The following PTBP2 variants were observed in gnomAD, a reference collection of about 807,000 sequenced individuals.
The protein encoded by PTBP2 is polypyrimidine tract-binding protein 2.
PTBP2 carries 13 observed loss-of-function variants against 61.4 expected under a neutral mutation model. That is an observed-to-expected ratio of 0.21 (90% CI 0.14 to 0.34). The LOEUF (loss-of-function observed/expected upper bound fraction) is 0.34. Among genes scored for constraint, PTBP2 ranks in the 10% least tolerant of loss-of-function variants. The pLI is 1.00. For missense variants in PTBP2, 405 were observed against 642.6 expected, an observed-to-expected ratio of 0.63 and a Z score of 4.00; for synonymous variants, 215 against 218.5, an observed-to-expected ratio of 0.98 and a Z score of 0.14.
intron 1 of PTBP2, among the ~76,000 whole-genome samples, chr1:96,722,843 T>A (rs748278831): frequency 6.6e-6 from 1 of 152,200 alleles, no homozygotes. Flanking sequence ...GTCTCGCTCA[T>A]ATGCTTCACA....
downstream of PTBP2, chr1:96,815,891 A>G (rs957042983): frequency 2.0e-5 from 3 of 152,192 alleles, no homozygotes; most frequent in Non-Finnish European, 2.9e-5. Flanking sequence ...AGATAAGTCT[A>G]AAGTCTAAAA....
At chr1:96,746,891 C>A (rs1234947058) in intron 2 of PTBP2, among the ~76,000 whole-genome samples, 2 of 51,154 alleles carry the variant, frequency 3.9e-5, no homozygotes, top group Non-Finnish European at 7.0e-5. Context: ...CCCTCCCTCC[C>A]TCCCTCCCTC....
At chr1:96,807,707 C>T (rs1661638418) in intron 11 of PTBP2, among the ~76,000 whole-genome samples, 1 of 152,156 alleles carries the variant, frequency 6.6e-6, no homozygotes, top group Non-Finnish European at 1.5e-5. Flanking sequence ...AGATGAACAA[C>T]TTGCTATATT....
At chr1:96,765,708 T>TAGA (rs142433685) in intron 3 of PTBP2, among the ~76,000 whole-genome samples, 66 of 147,392 alleles carry the variant, frequency 4.5e-4, no homozygotes, top group South Asian at 4.0e-3. Flanking sequence ...AGACTCTGTC[T>TAGA]TAGATAGATA....
At chr1:96,792,629 A>C (rs1424820182) in intron 8 of PTBP2, among the ~76,000 whole-genome samples, 1 of 152,158 alleles carries the variant, frequency 6.6e-6, no homozygotes, top group African/African-American at 2.4e-5. Flanking sequence ...TTTTGTTACC[A>C]AGTCCATTAA....
intron 2 of PTBP2, among the ~76,000 whole-genome samples, chr1:96,733,847 C>T (rs982415706): frequency 3.3e-5 from 5 of 152,180 alleles, no homozygotes; most frequent in African/African-American, 9.7e-5. Flanking sequence ...GCCTACTCAG[C>T]GTGAAGACAG....
intron 8 of PTBP2, among the ~76,000 whole-genome samples, chr1:96,799,645 T>C (rs1224862577): frequency 1.3e-5 from 2 of 152,206 alleles, no homozygotes; most frequent in Non-Finnish European, 2.9e-5. Flanking sequence ...TTATAATTTA[T>C]GTAGCTAAAA....
Position 96,721,814 on chromosome 1 carries a change from C to A in PTBP2, c.-51C>A, listed in dbSNP as rs746695158. The A allele has an allele frequency of 7.7e-6, 12 of 1,553,142 alleles. No individual in the cohort carries two copies. The highest frequency in any genetic ancestry group is 2.4e-5 in the East Asian group (1 of 41,200). On this transcript the variant is annotated 5_prime_UTR_variant, in exon 1 of 14. Transcript: ENST00000674951. Reference sequence around the variant, plus strand: ...CCATTTTCTCGCCGCTTGTGTGGCTCGCTGGCTGCGTGGCTCGGTTCTTGT... The same window carrying A: ...CCATTTTCTCGCCGCTTGTGTGGCTAGCTGGCTGCGTGGCTCGGTTCTTGT...
At position 96,802,143 on chromosome 1, in the gene PTBP2, G is replaced by A. The variant is rs1233927069; in HGVS notation, c.905-2657G>A. Among the ~76,000 whole-genome samples, 13 of 146,372 alleles carry A rather than the reference G, an allele frequency of 8.9e-5. No homozygotes were observed. The East Asian group carries it at 1.7e-3, about 19-fold the overall frequency. The stretch of plus-strand genomic sequence containing the variant: ...GGAGAATGGCATGAACCTGGGAGGC[G>A]GAGCTTGCAGTGAGCCGAGATCACG... On this transcript the variant is annotated intron_variant, in intron 8 of 13. Coordinates refer to ENST00000674951, the MANE Select transcript of PTBP2 (RefSeq NM_021190.4).
chr1:96,765,135 G>GT (rs1435907578), intron 3 of PTBP2, among the ~76,000 whole-genome samples: 2 of 151,114 alleles, frequency 1.3e-5, no homozygotes, highest in African/African-American at 2.4e-5. Flanking sequence ...TTTTTATTTT[G>GT]TTTTTTGTTT....
At chr1:96,754,440 G>A (rs545962306) in intron 3 of PTBP2, among the ~76,000 whole-genome samples, 50 of 152,172 alleles carry the variant, frequency 3.3e-4, no homozygotes, top group African/African-American at 9.4e-4. Context: ...CAGTGGTAAG[G>A]TTCTTATATT....
chr1:96,758,916 C>CA (rs1437192182), intron 3 of PTBP2, among the ~76,000 whole-genome samples: 1 of 152,094 alleles, frequency 6.6e-6, no homozygotes, highest in East Asian at 1.9e-4. Flanking sequence ...AAGGACTCTA[C>CA]AACAGATTTG....
At chr1:96,812,949 G>T in intron 12 of PTBP2, 21 bp downstream of exon 12, 1 of 1,593,934 alleles carries the variant, frequency 6.3e-7, no homozygotes, top group Non-Finnish European at 8.6e-7. Context: ...AAGCTAGAGT[G>T]TATTGAGATA....
rs767744175 is a variant in PTBP2 at position 96,813,053 on chromosome 1, A to T, written c.1413A>T (p.Leu471=). Residue 471 remains leucine, a synonymous_variant, in exon 13 of 14, where the codon CTA becomes CTT. Coordinates refer to ENST00000674951, the MANE Select transcript of PTBP2 (RefSeq NM_021190.4). ...NIPPSVAEED[L]RTLFANTGGT... is the part of the protein sequence containing the mutation. ...GTCCATCAGTAGCAGAAGAGGATCT[A>T]CGAACACTGTTCGCTAACACTGGGG... 9 of 1,613,388 alleles carry T rather than the reference A, an allele frequency of 5.6e-6. No individual in the cohort carries two copies. The South Asian group carries it at 9.9e-5, about 18-fold the overall frequency.
At chr1:96,806,524 T>A in intron 10 of PTBP2, 72 bp downstream of exon 10, 1 of 1,480,576 alleles carries the variant, frequency 6.8e-7, no homozygotes, top group Non-Finnish European at 9.4e-7. Context: ...TATTTGTAGC[T>A]AGCACTTTGG....
Position 96,814,489 on chromosome 1 carries a change from C to T in PTBP2, c.*1084C>T, listed in dbSNP as rs1228739579. ...TTAATTTACCTTGCATTGTAATATT[C>T]AGTTTTAATAAATCTTCAAAATATT... On this transcript the variant is annotated 3_prime_UTR_variant, in exon 14 of 14. Transcript: ENST00000674951. The T allele has an allele frequency of 1.3e-5, 2 of 152,490 alleles. No individual in the cohort carries two copies. The highest frequency in any genetic ancestry group is 2.9e-5 in the Non-Finnish European group (2 of 67,964). The allele number at this position is 152,490 out of a possible 1,614,324, so 9.4% of individuals were successfully genotyped here. A position where few individuals can be genotyped will look rare whatever the true frequency, so the allele number is the denominator to read the frequency against.
At chr1:96,797,432 A>C (rs1660504229) in intron 8 of PTBP2, among the ~76,000 whole-genome samples, 1 of 152,200 alleles carries the variant, frequency 6.6e-6, no homozygotes, top group African/African-American at 2.4e-5. Flanking sequence ...ACTCAAGGGA[A>C]GGTTGGTGGA....
chr1:96,779,573 T>C (rs1435694318), intron 7 of PTBP2, among the ~76,000 whole-genome samples: 1 of 152,120 alleles, frequency 6.6e-6, no homozygotes, highest in African/African-American at 2.4e-5. Context: ...GAACAGATAC[T>C]AAGCATCCAA....
intron 9 of PTBP2, among the ~76,000 whole-genome samples, chr1:96,805,757 G>A (rs115456483): frequency 3.9e-4 from 60 of 152,226 alleles, no homozygotes; most frequent in African/African-American, 1.4e-3. Context: ...AGTTCTGCAT[G>A]CTAAAATGTT....
Sources: gnomAD v4.1 joint callset for allele counts (sites outside exome capture counted in the v4.1 genomes callset) on GRCh38, gnomAD v4.1.1 for gene constraint, MANE v1.5 for transcripts, NCBI Gene and HGNC (gene_info 2026-07-23, HGNC 2026-07-21) for gene names.